GNA14: variants seen among roughly 807,000 people sequenced by gnomAD.
GNA14 encodes the protein guanine nucleotide-binding protein subunit alpha-14.
In GNA14, 50 loss-of-function variants were observed where a neutral mutation model predicts 42.0. That is an observed-to-expected ratio of 1.19 (90% CI 0.95 to 1.51). GNA14 has a LOEUF of 1.51. GNA14 is among the 40% of genes most tolerant of loss of function. GNA14 has a pLI of 0.00. For missense variants in GNA14, 473 were observed against 446.2 expected (o/e 1.06, Z -0.54); for synonymous variants, 173 against 163.1 (o/e 1.06, Z -0.46).
intron 3 of GNA14, 109 bp downstream of exon 3, chr9:77,434,259 G>T: frequency 1.0e-6 from 1 of 992,078 alleles, no homozygotes; most frequent in Non-Finnish European, 1.5e-6. Context: ...GGCAAGTAGC[G>T]CTGCCACTGT....
rs112381861 is a variant in GNA14 at position 77,584,732 on chromosome 9, G to A, written c.125-55479C>T. On this transcript the variant is annotated intron_variant, in intron 1 of 6. Coordinates refer to ENST00000341700, the MANE Select transcript of GNA14 (RefSeq NM_004297.4). ...TTATTAAGAAAGTAAAGGAATGAAA[G>A]AATGGCTACTCCATAGACAGAGCAG... 9.7e-3 allele frequency among the ~76,000 whole-genome samples: 1,485 copies of A among 152,312 alleles called. 17 individuals carry two copies. The highest frequency in any genetic ancestry group is 0.033 in the African/African-American group (1,387 of 41,572).
At chr9:77,526,672 T>A (rs1837443902) in intron 2 of GNA14, 1 of 152,116 alleles carries the variant, frequency 6.6e-6, no homozygotes, top group Admixed American at 6.5e-5. Flanking sequence ...GACAACAGAT[T>A]CTCTCAGAGC....
intron 2 of GNA14, among the ~76,000 whole-genome samples, chr9:77,491,931 C>T (rs960633928): frequency 6.6e-6 from 1 of 152,094 alleles, no homozygotes; most frequent in Non-Finnish European, 1.5e-5. Context: ...CAACTCTCAA[C>T]AAAAGAGTAA....
At chr9:77,602,663 G>A (rs1349725728) in intron 1 of GNA14, among the ~76,000 whole-genome samples, 3 of 151,742 alleles carry the variant, frequency 2.0e-5, no homozygotes, top group Non-Finnish European at 4.4e-5. Context: ...CATGGGATTC[G>A]CCTTTCCTTT....
At position 77,544,634 on chromosome 9, in the gene GNA14, A is replaced by G. The variant is rs551052240; in HGVS notation, c.125-15381T>C. Among the ~76,000 whole-genome samples the G allele has an allele frequency of 2.7e-5, 4 of 149,492 alleles. 1 individual carries two copies. The highest frequency in any genetic ancestry group is 1.0e-4 in the African/African-American group (4 of 40,174). On this transcript the variant is annotated intron_variant, in intron 1 of 6. Transcript: ENST00000341700. ...ACGAGAATCACTTGAACCTGGAGGCAGAGGTTGTAGTGAGCCAAGATCACG... is the reference window on the plus strand; with the variant it reads ...ACGAGAATCACTTGAACCTGGAGGCGGAGGTTGTAGTGAGCCAAGATCACG...
intron 2 of GNA14, among the ~76,000 whole-genome samples, chr9:77,508,819 A>T (rs1375478805): frequency 6.6e-6 from 1 of 152,188 alleles, no homozygotes; most frequent in African/African-American, 2.4e-5. Context: ...GAGGATAAGG[A>T]GGGATGCAGA....
At chr9:77,510,995 C>T (rs1415797287) in intron 2 of GNA14, among the ~76,000 whole-genome samples, 1 of 151,704 alleles carries the variant, frequency 6.6e-6, no homozygotes. Context: ...ATTAGAGTTG[C>T]CCAGTTAGAG....
chr9:77,515,616 G>T (rs992730011), intron 2 of GNA14, among the ~76,000 whole-genome samples: 1 of 152,108 alleles, frequency 6.6e-6, no homozygotes, highest in Admixed American at 6.6e-5. Context: ...CATTGCCTTT[G>T]TCTGAGAGCT....
At chr9:77,523,459 G>A (rs1000703997) in intron 2 of GNA14, among the ~76,000 whole-genome samples, 4 of 152,050 alleles carry the variant, frequency 2.6e-5, no homozygotes, top group Non-Finnish European at 4.4e-5. Flanking sequence ...AGCACCAACC[G>A]GATGGTGCTA....
rs750612459 is a variant in GNA14, at chr9:77,424,077, A to G, written c.970T>C (p.Phe324Leu). The change falls in exon 7 of 7, where the codon TTC becomes CTC. Residue 324 changes from phenylalanine to leucine, a missense_variant. Phe to Leu is a conservative substitution (Grantham distance 22, BLOSUM62 0). Transcript: ENST00000341700. ...PDKEKVIYSHFTCATDTDNIR... is the reference protein window; with the variant it reads ...PDKEKVIYSHLTCATDTDNIR... ...TTGTCTGTATCTGTAGCACATGTGA[A>G]GTGAGAGTAGATGACTTTCTCTTTG... is the stretch of plus-strand genomic sequence containing the variant. The G allele has an allele frequency of 1.8e-5, 29 of 1,612,162 alleles. No homozygotes were observed. Among genetic ancestry groups the G allele is most frequent in the Non-Finnish European group, 2.5e-5 (29 of 1,178,496 alleles).
chr9:77,494,007 G>A lies in GNA14; in HGVS notation c.309+35062C>T, dbSNP rs539327860. Among the ~76,000 whole-genome samples the A allele has an allele frequency of 1.7e-4, 26 of 152,170 alleles. No individual in the cohort carries two copies. The South Asian group carries it at 5.0e-3, about 29-fold the overall frequency. On this transcript the variant is annotated intron_variant, in intron 2 of 6. Coordinates refer to ENST00000341700, the MANE Select transcript of GNA14 (RefSeq NM_004297.4). ...ACAATCTTGGCTCACAGCAACCTCC[G>A]CCTCCCGGGTTGAAGTGATTCTCGT... is the stretch of plus-strand genomic sequence containing the variant.
In GNA14 at chr9:77,581,462, G is replaced by GT. The variant is rs565601355; in HGVS notation, c.125-52210dup. On this transcript the variant is annotated intron_variant, in intron 1 of 6. Transcript: ENST00000341700. Reference sequence around the variant, plus strand: ...TACATCATGTGGTTGTAAAGATAACGTGAGTCAATGTACCTGGCACATCCA... The same window carrying GT: ...TACATCATGTGGTTGTAAAGATAACGTTGAGTCAATGTACCTGGCACATCCA... Among the ~76,000 whole-genome samples, 4 of 152,202 alleles carry GT rather than the reference G, an allele frequency of 2.6e-5. No individual in the cohort carries two copies. The South Asian group carries it at 8.3e-4, about 32-fold the overall frequency.
At chr9:77,593,929 T>C (rs915028087) in intron 1 of GNA14, among the ~76,000 whole-genome samples, 2 of 152,218 alleles carry the variant, frequency 1.3e-5, no homozygotes, top group Non-Finnish European at 2.9e-5. Flanking sequence ...AGTCTGATCA[T>C]ACTGGAGCTG....
intron 2 of GNA14, among the ~76,000 whole-genome samples, chr9:77,525,165 CCTATGT>C (rs1478951560): frequency 1.3e-5 from 2 of 152,148 alleles, no homozygotes; most frequent in East Asian, 3.9e-4. Context: ...TTAGATATTG[CCTATGT>C]CTGCTTTCTG....
intron 2 of GNA14, among the ~76,000 whole-genome samples, chr9:77,462,184 C>T (rs537656226): frequency 6.6e-6 from 1 of 152,252 alleles, no homozygotes; most frequent in South Asian, 2.1e-4. Flanking sequence ...CAGATGTTCA[C>T]CAGTCTTTGC....
intron 1 of GNA14, among the ~76,000 whole-genome samples, chr9:77,596,705 A>C (rs1180522607): frequency 1.3e-5 from 2 of 152,222 alleles, no homozygotes; most frequent in Non-Finnish European, 2.9e-5. Flanking sequence ...AGCTATAGGG[A>C]AAAGTCAAGC....
rs1208605734 is a variant in GNA14 at position 77,648,051 on chromosome 9, T to C, written c.-258A>G. 2.0e-6 allele frequency: 1 copy of C among 505,552 alleles called. No homozygotes were observed. The highest frequency in any genetic ancestry group is 2.6e-5 in the South Asian group (1 of 38,796). The allele number at this position is 505,552 out of a possible 1,614,324, so 31.3% of individuals were successfully genotyped here. A position where few individuals can be genotyped will look rare whatever the true frequency, so the allele number is the denominator to read the frequency against. ...GATCCGGGCTCAGCCCGCCCCACTC[T>C]CGCTCTGGGGAGGAGGAGGGCGAGT... On this transcript the variant is annotated 5_prime_UTR_variant, in exon 1 of 7. Transcript: ENST00000341700.
At chr9:77,573,721 AG>A (rs1823092330) in intron 1 of GNA14, among the ~76,000 whole-genome samples, 1 of 152,158 alleles carries the variant, frequency 6.6e-6, no homozygotes, top group East Asian at 1.9e-4. Flanking sequence ...GTTCAAAGAC[AG>A]TGGCCAAACG....
chr9:77,548,101 A>G (rs1171855877), intron 1 of GNA14, among the ~76,000 whole-genome samples: 1 of 152,190 alleles, frequency 6.6e-6, no homozygotes, highest in Non-Finnish European at 1.5e-5. Flanking sequence ...GGCTGCTGTA[A>G]CAAAGTACCT....
Sources: gnomAD v4.1 joint callset for allele counts (sites outside exome capture counted in the v4.1 genomes callset) on GRCh38, gnomAD v4.1.1 for gene constraint, MANE v1.5 for transcripts, NCBI Gene and HGNC (gene_info 2026-07-23, HGNC 2026-07-21) for gene names.